CCDC170: variants seen among roughly 807,000 people sequenced by gnomAD.
CCDC170 encodes the protein coiled-coil domain-containing protein 170.
Under a neutral mutation model 72.6 loss-of-function variants are expected in CCDC170, and 69 were observed. The ratio of observed to expected loss-of-function variants is 0.95; its 90% CI spans 0.78 to 1.16. The LOEUF (loss-of-function observed/expected upper bound fraction) is 1.16. CCDC170 is among the 50% of genes most tolerant of loss of function. The probability of loss-of-function intolerance (pLI) is 0.00; values close to 1 mark genes in which losing one functional copy is unlikely to be tolerated. For synonymous variants in CCDC170, 300 were observed against 303.9 expected, an observed-to-expected ratio of 0.99 and a Z score of 0.13; for missense variants, 852 against 832.5, an observed-to-expected ratio of 1.02 and a Z score of -0.29.
At position 151,509,965 on chromosome 6, in the gene CCDC170, A is replaced by T. The variant is rs184184448; in HGVS notation, c.57+15780A>T. On this transcript the variant is annotated intron_variant, in intron 1 of 10. Transcript: ENST00000239374. ...TAGTGAAACTCCGTCTCCACTAAAA[A>T]TACAAAAATTAGCCAGGCATGGTGG... is the stretch of plus-strand genomic sequence containing the variant. Among the ~76,000 whole-genome samples, 126 of 152,226 alleles carry T rather than the reference A, an allele frequency of 8.3e-4. 1 individual carries two copies. In the East Asian group the frequency reaches 0.023, roughly 27 times the overall value.
chr6:151,494,109 G>GC lies in CCDC170; in HGVS notation c.-15dup. 1 of 1,492,274 alleles carries GC rather than the reference G, an allele frequency of 6.7e-7. No homozygotes were observed. The highest frequency in any genetic ancestry group is 8.9e-7 in the Non-Finnish European group (1 of 1,128,054). The allele number at this position is 1,492,274 out of a possible 1,614,324, so 92.4% of individuals were successfully genotyped here. A position where few individuals can be genotyped will look rare whatever the true frequency, so the allele number is the denominator to read the frequency against. Reference sequence around the variant, plus strand: ...CAGGGCCGGTTCCGGGTCCGAGCGCGCCCCCGGGCTCGGGTCGTCATGAGC... The same window carrying GC: ...CAGGGCCGGTTCCGGGTCCGAGCGCGCCCCCCGGGCTCGGGTCGTCATGAGC... On this transcript the variant is annotated 5_prime_UTR_variant, in exon 1 of 11. Coordinates refer to ENST00000239374, the MANE Select transcript of CCDC170 (RefSeq NM_025059.4).
chr6:151,556,225 G>T (rs1479177827), intron 5 of CCDC170, among the ~76,000 whole-genome samples: 3 of 152,212 alleles, frequency 2.0e-5, no homozygotes, highest in Non-Finnish European at 4.4e-5. Flanking sequence ...GGAGGCTGAG[G>T]CAGGCAGATC....
chr6:151,575,616 G>A (rs1383324297), intron 6 of CCDC170, among the ~76,000 whole-genome samples: 4 of 120,154 alleles, frequency 3.3e-5, no homozygotes, highest in East Asian at 2.9e-4. Flanking sequence ...TGCAATCTCC[G>A]CCTCCCAGGT....
At chr6:151,602,434 G>A (rs2115128096) in intron 9 of CCDC170, among the ~76,000 whole-genome samples, 1 of 152,154 alleles carries the variant, frequency 6.6e-6, no homozygotes, top group South Asian at 2.1e-4. Flanking sequence ...AAAAATTAGG[G>A]ATATTAATTC....
In CCDC170 at chr6:151,576,034, C is replaced by T. The variant is rs115917344; in HGVS notation, c.1092+2543C>T. ...CCTTAAATGGTAACAGATATGCAGA[C>T]GATTTCCAGCTCATGAAAATTTAAT... On this transcript the variant is annotated intron_variant, in intron 6 of 10. Coordinates refer to ENST00000239374, the MANE Select transcript of CCDC170 (RefSeq NM_025059.4). Among the ~76,000 whole-genome samples, 1,432 of 152,184 alleles carry T rather than the reference C, an allele frequency of 9.4e-3. 17 individuals are homozygous for T. Among genetic ancestry groups the T allele is most frequent in the African/African-American group, 0.02 (820 of 41,520 alleles).
At chr6:151,617,605 C>T (rs935788072) in intron 10 of CCDC170, among the ~76,000 whole-genome samples, 1 of 151,944 alleles carries the variant, frequency 6.6e-6, no homozygotes, top group Non-Finnish European at 1.5e-5. Context: ...AGCCCTTCGA[C>T]GTAGGTGTAT....
chr6:151,588,631 G>A (rs1418978109), intron 7 of CCDC170, among the ~76,000 whole-genome samples: 1 of 152,106 alleles, frequency 6.6e-6, no homozygotes, highest in African/African-American at 2.4e-5. Context: ...GTGTGATGGT[G>A]GAAAATTTGA....
At chr6:151,496,845 CTT>C (rs1479855012) in intron 1 of CCDC170, among the ~76,000 whole-genome samples, 3 of 152,214 alleles carry the variant, frequency 2.0e-5, no homozygotes, top group East Asian at 1.9e-4. Context: ...AATCATAAAA[CTT>C]ATCGCATAAC....
chr6:151,602,745 CTG>C, intron 9 of CCDC170, among the ~76,000 whole-genome samples: 1 of 152,212 alleles, frequency 6.6e-6, no homozygotes, highest in South Asian at 2.1e-4. Context: ...CGATGCAGAA[CTG>C]TGAGTCAATT....
chr6:151,558,436 C>A (rs1783023938), intron 5 of CCDC170, among the ~76,000 whole-genome samples: 1 of 151,792 alleles, frequency 6.6e-6, no homozygotes, highest in Non-Finnish European at 1.5e-5. Flanking sequence ...GTTTTTGTTG[C>A]CTGTGCTGTT....
intron 6 of CCDC170, among the ~76,000 whole-genome samples, chr6:151,575,114 TATC>T (rs1357267917): frequency 1.3e-5 from 2 of 152,224 alleles, no homozygotes; most frequent in African/African-American, 4.8e-5. Context: ...TTGTTTAAAT[TATC>T]ATCAAACCTA....
chr6:151,590,747 G>A (rs77652720), intron 7 of CCDC170, among the ~76,000 whole-genome samples: 163 of 152,188 alleles, frequency 1.1e-3, no homozygotes, highest in African/African-American at 3.7e-3. Context: ...TTGGGGTCTC[G>A]GCTTGCTCTT....
Position 151,518,425 on chromosome 6 carries a change from C to G in CCDC170, c.58-17893C>G, listed in dbSNP as rs536909847. ...AGTAAAAAAAGCATACATTTGTTAC[C>G]AGGAAGGAGTCCCAATCCAGACCCC... On this transcript the variant is annotated intron_variant, in intron 1 of 10. Coordinates refer to ENST00000239374, the MANE Select transcript of CCDC170 (RefSeq NM_025059.4). Among the ~76,000 whole-genome samples, 390 of 152,118 alleles carry G rather than the reference C, an allele frequency of 2.6e-3. 1 individual carries two copies. The highest frequency in any genetic ancestry group is 9.0e-3 in the African/African-American group (374 of 41,502).
chr6:151,581,097 G>A (rs977656325), intron 6 of CCDC170, among the ~76,000 whole-genome samples: 12 of 152,184 alleles, frequency 7.9e-5, no homozygotes, highest in Non-Finnish European at 1.6e-4. Context: ...GCTGATCGGA[G>A]TGATGGTTCC....
At chr6:151,526,796 C>T (rs962940775) in intron 1 of CCDC170, among the ~76,000 whole-genome samples, 5 of 152,056 alleles carry the variant, frequency 3.3e-5, no homozygotes, top group African/African-American at 1.2e-4. Flanking sequence ...CTAAGTGCAG[C>T]CCCTGCCCAC....
At chr6:151,614,765 T>C (rs1056221236) in intron 9 of CCDC170, among the ~76,000 whole-genome samples, 1 of 152,088 alleles carries the variant, frequency 6.6e-6, no homozygotes, top group Non-Finnish European at 1.5e-5. Context: ...AAATTCTTTT[T>C]GTAAGTAACT....
chr6:151,547,511 A>G (rs1397532735), intron 4 of CCDC170, among the ~76,000 whole-genome samples: 1 of 152,018 alleles, frequency 6.6e-6, no homozygotes, highest in Non-Finnish European at 1.5e-5. Flanking sequence ...AAATGTGAGG[A>G]AGAGTGTTGG....
At chr6:151,517,218 T>A (rs1305697111) in intron 1 of CCDC170, among the ~76,000 whole-genome samples, 2 of 151,866 alleles carry the variant, frequency 1.3e-5, no homozygotes, top group African/African-American at 4.8e-5. Context: ...TATAATCCCA[T>A]CTACTCGGGA....
At chr6:151,521,601 CA>C (rs1196829539) in intron 1 of CCDC170, among the ~76,000 whole-genome samples, 1 of 152,110 alleles carries the variant, frequency 6.6e-6, no homozygotes, top group African/African-American at 2.4e-5. Context: ...GTTTATTGAA[CA>C]GACCCAGGAC....
Sources: allele counts gnomAD v4.1 joint callset (sites outside exome capture counted in the v4.1 genomes callset), GRCh38; gene constraint gnomAD v4.1.1; transcripts MANE v1.5; gene names NCBI Gene and HGNC (gene_info 2026-07-23, HGNC 2026-07-21).